CT45A1: variants seen among roughly 807,000 people sequenced by gnomAD.
The protein encoded by CT45A1 is cancer/testis antigen family 45 member A1.
intron 1 of CT45A1, among the ~76,000 whole-genome samples, chrX:135,718,596 C>G (rs2353541): frequency 9.1e-6 from 1 of 110,231 alleles, no homozygotes; most frequent in East Asian, 2.8e-4. Flanking sequence ...GTTTATACAG[C>G]TATTTTTCCT....
chrX:135,709,214 C>T (rs2087922044), upstream of CT45A1, among the ~76,000 whole-genome samples: 1 of 112,222 alleles, frequency 8.9e-6, no homozygotes, highest in Admixed American at 9.4e-5. Flanking sequence ...CAACCTCCAC[C>T]TCCCAGGTTC....
chrX:135,709,787 G>A (rs1169509266), upstream of CT45A1, among the ~76,000 whole-genome samples: 2 of 111,033 alleles, frequency 1.8e-5, no homozygotes, highest in Admixed American at 1.9e-4. Context: ...TCACTATTTG[G>A]GTGATGGGTT....
intron 1 of CT45A1, among the ~76,000 whole-genome samples, chrX:135,717,532 G>C (rs781879243): frequency 4.6e-4 from 48 of 105,185 alleles, no homozygotes; most frequent in African/African-American, 1.5e-3. Context: ...CTGGGCGACA[G>C]AGGGAGGCTC....
chrX:135,714,169 C>T (rs1397769378), intron 1 of CT45A1, among the ~76,000 whole-genome samples: 2 of 109,224 alleles, frequency 1.8e-5, no homozygotes, highest in African/African-American at 3.4e-5. Flanking sequence ...GGATCGCTGA[C>T]GGGGGCTTTA....
At chrX:135,709,957 C>A (rs1329715168), upstream of CT45A1, 1 of 112,284 alleles carries the variant, frequency 8.9e-6, no homozygotes, top group Non-Finnish European at 1.9e-5. Flanking sequence ...ACTTTGACAC[C>A]TTTACAAGTT....
At chrX:135,717,051 G>C (rs1412135637) in intron 1 of CT45A1, among the ~76,000 whole-genome samples, 1 of 110,268 alleles carries the variant, frequency 9.1e-6, no homozygotes, top group South Asian at 3.8e-4. Flanking sequence ...TACTAACTTA[G>C]TTCTTTTTCT....
chrX:135,711,569 G>A (rs1603079001), upstream of CT45A1, among the ~76,000 whole-genome samples: 1 of 110,920 alleles, frequency 9.0e-6, no homozygotes, highest in Middle Eastern at 4.6e-3. Context: ...CGAGTAGCTG[G>A]GATTGCAGGT....
chrX:135,712,937 T>TTTTCTCTTTC (rs2087944334), upstream of CT45A1, among the ~76,000 whole-genome samples: 4 of 69,548 alleles, frequency 5.8e-5, no homozygotes, highest in African/African-American at 2.5e-4. Flanking sequence ...TCTTTTCTTT[T>TTTTCTCTTTC]TTTCTTTCTT....
At chrX:135,715,258 T>C (rs1460559835) in intron 1 of CT45A1, among the ~76,000 whole-genome samples, 1 of 87,129 alleles carries the variant, frequency 1.1e-5, no homozygotes, top group East Asian at 3.4e-4. Flanking sequence ...CTTATATATA[T>C]ATAATACTTA....
rs370051178 is a variant in CT45A1 at position 135,715,080 on chromosome X, G to A, written c.-7+1390G>A. ...CTATAAATCTTTTTTGCTTTTACAC[G>A]ATCTCAATAATGTATTTTAGATGAA... On this transcript the variant is annotated intron_variant, in intron 1 of 4. Transcript: ENST00000594565. Among the ~76,000 whole-genome samples, 56 of 103,743 alleles carry A rather than the reference G, an allele frequency of 5.4e-4. No individual in the cohort carries two copies. The South Asian group carries it at 0.023, about 43-fold the overall frequency. The allele number at this position is 103,743 out of a possible 115,157, so 90.1% of individuals were successfully genotyped here. A position where few individuals can be genotyped will look rare whatever the true frequency, so the allele number is the denominator to read the frequency against.
intron 1 of CT45A1, among the ~76,000 whole-genome samples, chrX:135,715,229 A>ATTATATAT (rs1178975404): frequency 1.2e-5 from 1 of 86,002 alleles, no homozygotes; most frequent in Non-Finnish European, 2.2e-5. Context: ...ATATATATAT[A>ATTATATAT]ATACTTATAT....
upstream of CT45A1, among the ~76,000 whole-genome samples, chrX:135,712,996 C>CCTTCCTTCCTTCCTTCCTTCCTCT: frequency 1.7e-5 from 1 of 57,602 alleles, no homozygotes; most frequent in Admixed American, 2.4e-4. Flanking sequence ...TTCCTTCCTT[C>CCTTCCTTCCTTCCTTCCTTCCTCT]CTCTCTCTCT....
At chrX:135,714,018 T>C (rs1398816251) in intron 1 of CT45A1, among the ~76,000 whole-genome samples, 3 of 108,071 alleles carry the variant, frequency 2.8e-5, no homozygotes, top group Non-Finnish European at 3.9e-5. Flanking sequence ...CCTTGGTTGC[T>C]TGTGTCGGCC....
intron 1 of CT45A1, 140 bp downstream of exon 1, chrX:135,713,830 TG>T (rs2148032322): frequency 2.5e-6 from 1 of 401,015 alleles, no homozygotes; most frequent in Admixed American, 9.1e-5. Context: ...CTTGGGGAAG[TG>T]GCTCAGCTCT....
At chrX:135,714,989 T>A (rs2087966466) in intron 1 of CT45A1, among the ~76,000 whole-genome samples, 1 of 107,818 alleles carries the variant, frequency 9.3e-6, no homozygotes, top group African/African-American at 3.4e-5. Flanking sequence ...TGTATTTGAG[T>A]TATATACACA....
At position 135,718,561 on chromosome X, in the gene CT45A1, G is replaced by C. The variant is rs782521429; in HGVS notation, c.-6-374G>C. ...TATAATATATAGTTTAAAATATAAT[G>C]TTTAACAAGGGTTAATACAGATTGG... On this transcript the variant is annotated intron_variant, in intron 1 of 4. Coordinates refer to ENST00000594565, the MANE Select transcript of CT45A1 (RefSeq NM_001017417.3). Among the ~76,000 whole-genome samples the C allele has an allele frequency of 2.7e-5, 3 of 110,112 alleles. No homozygotes were observed. In the South Asian group the frequency reaches 1.1e-3, roughly 42 times the overall value.
In CT45A1 at chrX:135,717,905, A is replaced by C. The variant is rs1217702313; in HGVS notation, c.-6-1030A>C. ...TTATTTCTTTCCAAATTTTAAACCT[A>C]TTGTATTTTCCTGATGCTACAGCAC... On this transcript the variant is annotated intron_variant, in intron 1 of 4. Coordinates refer to ENST00000594565, the MANE Select transcript of CT45A1 (RefSeq NM_001017417.3). Among the ~76,000 whole-genome samples the C allele has an allele frequency of 6.2e-5, 7 of 112,016 alleles. No homozygotes were observed. In the Admixed American group the frequency reaches 6.7e-4, roughly 11 times the overall value.
intron 1 of CT45A1, among the ~76,000 whole-genome samples, chrX:135,717,336 GC>G (rs1556571934): frequency 2.7e-5 from 3 of 111,665 alleles, no homozygotes. Context: ...ATCACTTGCA[GC>G]CAGGAGTTTG....
At chrX:135,714,603 C>A (rs1190487471) in intron 1 of CT45A1, among the ~76,000 whole-genome samples, 2 of 111,173 alleles carry the variant, frequency 1.8e-5, no homozygotes, top group African/African-American at 3.3e-5. Flanking sequence ...AAGGTTCCAG[C>A]TGTGCCACAT....
Sources: gnomAD v4.1 joint callset for allele counts (sites outside exome capture counted in the v4.1 genomes callset) on GRCh38, gnomAD v4.1.1 for gene constraint, MANE v1.5 for transcripts, NCBI Gene and HGNC (gene_info 2026-07-23, HGNC 2026-07-21) for gene names.